Variants in SKI observed in about 807,000 individuals in gnomAD.
SKI encodes the protein SKI proto-oncogene.
SKI carries 23 observed loss-of-function variants against 59.3 expected under a neutral mutation model. That is an observed-to-expected ratio of 0.39 (90% confidence interval 0.28 to 0.55). SKI has a LOEUF of 0.55. SKI is among the 20% of genes least tolerant of loss of function. SKI has a pLI of 0.67. For missense variants in SKI, 1,017 were observed against 1,038.9 expected, an observed-to-expected ratio of 0.98 and a Z score of 0.29; for synonymous variants, 673 against 488.6, an observed-to-expected ratio of 1.38 and a Z score of -4.98.
intron 1 of SKI, among the ~76,000 whole-genome samples, chr1:2,265,892 C>T (rs747603393): frequency 8.5e-5 from 13 of 152,156 alleles, no homozygotes; most frequent in Non-Finnish European, 1.5e-4. Context: ...CATTTGAACC[C>T]GGGAGGTGGA....
intron 1 of SKI, among the ~76,000 whole-genome samples, chr1:2,253,204 C>G (rs1246642240): frequency 6.6e-6 from 1 of 152,220 alleles, no homozygotes; most frequent in East Asian, 1.9e-4. Flanking sequence ...TGCAGCGCAG[C>G]CTCCCCTGTG....
At position 2,268,316 on chromosome 1, in the gene SKI, G is replaced by T. The variant is rs572682048; in HGVS notation, c.970-34662G>T. ...TGTCTCAGAGGGCTCAGGGCTCCTG[G>T]TAGGGTTTGGGTGGGCTGAACCCTG... On this transcript the variant is annotated intron_variant, in intron 1 of 6. Coordinates refer to ENST00000378536, the MANE Select transcript of SKI (RefSeq NM_003036.4). This position sits in a 1 kb window ranked among gnomAD's most constrained non-coding sequence, Gnocchi z 5.0. Among the ~76,000 whole-genome samples, 6 of 152,318 alleles carry T rather than the reference G, an allele frequency of 3.9e-5. No homozygotes were observed. The highest frequency in any genetic ancestry group is 1.4e-4 in the African/African-American group (6 of 41,574).
chr1:2,304,030 C>T lies in SKI; in HGVS notation c.1402C>T (p.Leu468=), dbSNP rs1281847256. 18 of 1,612,382 alleles carry T rather than the reference C, an allele frequency of 1.1e-5. No individual in the cohort carries two copies. The highest frequency in any genetic ancestry group is 2.7e-5 in the African/African-American group (2 of 74,934). The change falls in exon 4 of 7, where the codon CTG becomes TTG. Residue 468 remains leucine, a synonymous_variant. Transcript: ENST00000378536. ...TVDTPGAPET[L]APVAAPEEDK... The stretch of plus-strand genomic sequence containing the variant: ...GGACACCCCAGGAGCCCCAGAGACG[C>T]TGGCGCCCGTGGCTGCCCCAGAGGA...
At chr1:2,248,451 A>G (rs938792489) in intron 1 of SKI, among the ~76,000 whole-genome samples, 1 of 152,140 alleles carries the variant, frequency 6.6e-6, no homozygotes. Flanking sequence ...TCTCCAGTGG[A>G]GGGTCCTCAC....
intron 1 of SKI, among the ~76,000 whole-genome samples, chr1:2,259,888 G>A (rs1254246702): frequency 6.6e-6 from 1 of 152,226 alleles, no homozygotes; most frequent in East Asian, 1.9e-4. Context: ...CCCCTGCGTG[G>A]ATGTCGCGTT....
intron 1 of SKI, among the ~76,000 whole-genome samples, chr1:2,272,319 C>T (rs1557832204): frequency 6.6e-6 from 1 of 152,260 alleles, no homozygotes; most frequent in African/African-American, 2.4e-5. Context: ...CACACATAGA[C>T]TTCCAGGTTT....
At chr1:2,273,422 C>T (rs112274922) in intron 1 of SKI, among the ~76,000 whole-genome samples, 54 of 152,308 alleles carry the variant, frequency 3.5e-4, no homozygotes, top group African/African-American at 1.3e-3. Flanking sequence ...AGCCACAGGG[C>T]TGAGATGGGA....
intron 1 of SKI, chr1:2,240,876 G>C (rs1310747428): frequency 1.1e-6 from 1 of 876,258 alleles, no homozygotes; most frequent in African/African-American, 1.8e-5. Context: ...GGCACTGCTG[G>C]GGAAGTGGCC....
At position 2,270,182 on chromosome 1, in the gene SKI, A is replaced by G. The variant is rs1466915293; in HGVS notation, c.970-32796A>G. ...GCCAGCACCTTGCTGCAAGAGAGGG[A>G]CAGAGGTCATCTGTCTACGAGCTAG... is the stretch of plus-strand genomic sequence containing the variant. On this transcript the variant is annotated intron_variant, in intron 1 of 6. Transcript: ENST00000378536. This position sits in a 1 kb window ranked among gnomAD's most constrained non-coding sequence, Gnocchi z 4.1. 1.3e-5 allele frequency among the ~76,000 whole-genome samples: 2 copies of G among 152,058 alleles called. No individual in the cohort carries two copies.
intron 1 of SKI, among the ~76,000 whole-genome samples, chr1:2,271,524 G>A (rs959819808): frequency 2.6e-5 from 4 of 152,136 alleles, no homozygotes; most frequent in Admixed American, 6.5e-5. Flanking sequence ...CAGGTTCCGC[G>A]GAGTGCCCGG....
intron 1 of SKI, among the ~76,000 whole-genome samples, chr1:2,248,978 G>A (rs187760947): frequency 1.3e-5 from 2 of 152,242 alleles, no homozygotes; most frequent in African/African-American, 4.8e-5. Context: ...GCGCTGGCAC[G>A]GGGACTGTGC....
intron 1 of SKI, among the ~76,000 whole-genome samples, chr1:2,287,533 T>C (rs957848259): frequency 3.3e-5 from 5 of 152,122 alleles, no homozygotes; most frequent in African/African-American, 9.7e-5. Context: ...AGACGGGGTT[T>C]CACTGTGTTA....
intron 1 of SKI, among the ~76,000 whole-genome samples, chr1:2,294,073 C>A (rs532384857): frequency 6.6e-6 from 1 of 152,068 alleles, no homozygotes; most frequent in African/African-American, 2.4e-5. Context: ...GGAAGGATGT[C>A]GTGCAGGAAG....
At chr1:2,238,414 C>T (rs1045286411) in intron 1 of SKI, among the ~76,000 whole-genome samples, 1 of 152,258 alleles carries the variant, frequency 6.6e-6, no homozygotes, top group Non-Finnish European at 1.5e-5. Context: ...GTACCCAGGA[C>T]AGGCCTGCCA....
chr1:2,293,778 G>A (rs1640221116), intron 1 of SKI, among the ~76,000 whole-genome samples: 1 of 152,168 alleles, frequency 6.6e-6, no homozygotes, highest in Admixed American at 6.5e-5. Flanking sequence ...CCGTCTACCT[G>A]TCCCAGCCCC....
chr1:2,282,415 AG>A (rs1355373314), intron 1 of SKI, among the ~76,000 whole-genome samples: 9 of 60,532 alleles, frequency 1.5e-4, no homozygotes, highest in Non-Finnish European at 2.4e-4. Context: ...CTTCAGAGAG[AG>A]GATGCCCGAG....
At chr1:2,304,135 T>C (rs1371776785) in intron 4 of SKI, 33 bp downstream of exon 4, 3 of 1,608,840 alleles carry the variant, frequency 1.9e-6, no homozygotes, top group African/African-American at 1.3e-5. Context: ...GCCTCCTCCC[T>C]GTGGGCTGTG....
rs1488454024 is a variant in SKI at position 2,269,524 on chromosome 1, G to A, written c.970-33454G>A. Among the ~76,000 whole-genome samples the A allele has an allele frequency of 2.0e-5, 3 of 152,258 alleles. No homozygotes were observed. Among genetic ancestry groups the A allele is most frequent in the East Asian group, 1.9e-4 (1 of 5,200 alleles). On this transcript the variant is annotated intron_variant, in intron 1 of 6. Coordinates refer to ENST00000378536, the MANE Select transcript of SKI (RefSeq NM_003036.4). This position sits in a 1 kb window ranked among gnomAD's most constrained non-coding sequence, Gnocchi z 4.7. Reference sequence around the variant, plus strand: ...CGTTTTGCAGGCTGGGTTCATCCCCGTTCCAGGCCCGCACTAGTGGCGCCT... The same window carrying A: ...CGTTTTGCAGGCTGGGTTCATCCCCATTCCAGGCCCGCACTAGTGGCGCCT...
intron 1 of SKI, among the ~76,000 whole-genome samples, chr1:2,274,485 C>T (rs1002979252): frequency 6.6e-6 from 1 of 152,044 alleles, no homozygotes; most frequent in Non-Finnish European, 1.5e-5. Flanking sequence ...CACCCGAGGG[C>T]CCGTGTCCTG....
Sources: allele counts gnomAD v4.1 joint callset (sites outside exome capture counted in the v4.1 genomes callset), GRCh38; gene constraint gnomAD v4.1.1; non-coding constraint Gnocchi (gnomAD v3.1); transcripts MANE v1.5; gene names NCBI Gene and HGNC (gene_info 2026-07-23, HGNC 2026-07-21).